FNBP1L: variants seen among roughly 807,000 people sequenced by gnomAD.
FNBP1L encodes the protein formin-binding protein 1-like.
Under a neutral mutation model 91.2 loss-of-function variants are expected in FNBP1L, and 36 were observed. The observed-to-expected ratio is 0.39, with a 90% CI of 0.30 to 0.52. The LOEUF (loss-of-function observed/expected upper bound fraction) is 0.52. FNBP1L is among the 20% of genes least tolerant of loss of function. The pLI is 0.66. For missense variants in FNBP1L, 571 were observed against 732.1 expected, an observed-to-expected ratio of 0.78 and a Z score of 2.54; for synonymous variants, 242 against 237.0, an observed-to-expected ratio of 1.02 and a Z score of -0.19.
chr1:93,464,220 C>CAA (rs1421265675), intron 1 of FNBP1L, among the ~76,000 whole-genome samples: 17 of 152,158 alleles, frequency 1.1e-4, no homozygotes, highest in Non-Finnish European at 2.4e-4. Flanking sequence ...CACTTCTGAG[C>CAA]ATATACCCAA....
Position 93,554,447 on chromosome 1 carries a change from G to T in FNBP1L, c.*2031G>T, listed in dbSNP as rs918433629. On this transcript the variant is annotated 3_prime_UTR_variant, in exon 17 of 17. Coordinates refer to ENST00000271234, the MANE Select transcript of FNBP1L (RefSeq NM_001164473.3). The stretch of plus-strand genomic sequence containing the variant: ...GTGGAATAGTGCAACCTGTATATGG[G>T]TTATTATAATAGGAAAGACATTTGT... The T allele has an allele frequency of 9.2e-5, 14 of 152,712 alleles. No homozygotes were observed. Among genetic ancestry groups the T allele is most frequent in the African/African-American group, 2.6e-4 (11 of 41,548 alleles). 9.5% of individuals were successfully genotyped at this position (152,712 alleles called of 1,614,324 possible).
At chr1:93,466,028 T>A (rs1669067205) in intron 1 of FNBP1L, among the ~76,000 whole-genome samples, 1 of 152,264 alleles carries the variant, frequency 6.6e-6, no homozygotes, top group Admixed American at 6.5e-5. Flanking sequence ...GTTCATATCC[T>A]TTGCCCACTT....
chr1:93,542,956 A>G (rs1191768403), intron 11 of FNBP1L, among the ~76,000 whole-genome samples: 2 of 150,856 alleles, frequency 1.3e-5, no homozygotes, highest in African/African-American at 4.9e-5. Context: ...TGGCTAATTT[A>G]TTGTATTTTT....
intron 1 of FNBP1L, among the ~76,000 whole-genome samples, chr1:93,475,615 T>C (rs1032247223): frequency 6.6e-6 from 1 of 152,224 alleles, no homozygotes; most frequent in Non-Finnish European, 1.5e-5. Context: ...AATAAAGAGA[T>C]ACTCTGAGCC....
chr1:93,528,512 A>G (rs753260385), intron 5 of FNBP1L, among the ~76,000 whole-genome samples: 9 of 152,184 alleles, frequency 5.9e-5, no homozygotes, highest in Non-Finnish European at 1.2e-4. Context: ...TTAGCCATGG[A>G]GATTCAGTTA....
rs1315462491 is a variant in FNBP1L at position 93,549,264 on chromosome 1, T to G, written c.1503-14T>G. On this transcript the variant is annotated splice_polypyrimidine_tract_variant and intron_variant, in intron 14 of 16. Transcript: ENST00000271234. Reference sequence around the variant, plus strand: ...TTTATGATACTTGATCAGAGATAATTTTTTGTTTTATAGTCCTGAGGGAAG... The same window carrying G: ...TTTATGATACTTGATCAGAGATAATGTTTTGTTTTATAGTCCTGAGGGAAG... The G allele has an allele frequency of 6.3e-7, 1 of 1,592,112 alleles. No homozygotes were observed. Among genetic ancestry groups the G allele is most frequent in the South Asian group, 1.2e-5 (1 of 86,546 alleles).
chr1:93,470,485 T>C lies in FNBP1L; in HGVS notation c.24+22180T>C, dbSNP rs1669246779. ...CTAATTGGCTCTCCAGTTGGCTTGC[T>C]TCTCTTGTCTCTGACTATGGATGGG... is the stretch of plus-strand genomic sequence containing the variant. On this transcript the variant is annotated intron_variant, in intron 1 of 16. Coordinates refer to ENST00000271234, the MANE Select transcript of FNBP1L (RefSeq NM_001164473.3). Among the ~76,000 whole-genome samples, 3 of 152,364 alleles carry C rather than the reference T, an allele frequency of 2.0e-5. 1 individual carries two copies. The South Asian group carries it at 6.2e-4, about 32-fold the overall frequency.
At chr1:93,510,314 A>G (rs944532661) in intron 2 of FNBP1L, among the ~76,000 whole-genome samples, 2 of 152,202 alleles carry the variant, frequency 1.3e-5, no homozygotes, top group African/African-American at 2.4e-5. Context: ...ACCCCCAAGC[A>G]GCCTAACTGG....
chr1:93,508,219 A>G (rs1310133970), intron 2 of FNBP1L, among the ~76,000 whole-genome samples: 1 of 151,846 alleles, frequency 6.6e-6, no homozygotes, highest in Non-Finnish European at 1.5e-5. Flanking sequence ...GCACGGTGAC[A>G]TGTGCCTGCA....
intron 2 of FNBP1L, among the ~76,000 whole-genome samples, chr1:93,518,350 C>G (rs1011460587): frequency 6.6e-5 from 10 of 152,132 alleles, no homozygotes; most frequent in African/African-American, 2.2e-4. Flanking sequence ...CTTCCAGCAG[C>G]CTGTCCTCCC....
chr1:93,501,965 G>A (rs1375300343), intron 2 of FNBP1L, among the ~76,000 whole-genome samples: 1 of 152,022 alleles, frequency 6.6e-6, no homozygotes, highest in Non-Finnish European at 1.5e-5. Context: ...AAAGTTTCTG[G>A]TTGTAAAAGT....
At chr1:93,525,600 A>G (rs1671467067) in intron 5 of FNBP1L, among the ~76,000 whole-genome samples, 2 of 152,164 alleles carry the variant, frequency 1.3e-5, no homozygotes, top group African/African-American at 4.8e-5. Flanking sequence ...TTCATGAGTC[A>G]TTGGTTCCTT....
intron 5 of FNBP1L, among the ~76,000 whole-genome samples, chr1:93,525,018 C>T (rs908267924): frequency 2.0e-5 from 3 of 150,882 alleles, no homozygotes; most frequent in Admixed American, 1.3e-4. Context: ...TAGAACACTG[C>T]AGTTGCCTTT....
intron 1 of FNBP1L, among the ~76,000 whole-genome samples, chr1:93,476,392 A>T (rs911533474): frequency 1.3e-5 from 2 of 152,196 alleles, no homozygotes; most frequent in African/African-American, 4.8e-5. Context: ...ATGAGATAAT[A>T]TATAAAAGCA....
Position 93,552,832 on chromosome 1 carries a change from C to T in FNBP1L, c.*416C>T. 1 of 163,668 alleles carries T rather than the reference C, an allele frequency of 6.1e-6. No individual in the cohort carries two copies. The highest frequency in any genetic ancestry group is 1.3e-5 in the Non-Finnish European group (1 of 75,918). 10.1% of individuals were successfully genotyped at this position (163,668 alleles called of 1,614,324 possible). Reference sequence around the variant, plus strand: ...GATCCTTGCCATCTGTCAGTGTCTGCCTGCGCCACCTCCGTGCTTGCTTAA... The same window carrying T: ...GATCCTTGCCATCTGTCAGTGTCTGTCTGCGCCACCTCCGTGCTTGCTTAA... On this transcript the variant is annotated 3_prime_UTR_variant, in exon 17 of 17. Transcript: ENST00000271234.
intron 1 of FNBP1L, among the ~76,000 whole-genome samples, chr1:93,466,983 A>G (rs1178402143): frequency 6.6e-6 from 1 of 152,156 alleles, no homozygotes; most frequent in African/African-American, 2.4e-5. Context: ...CAGCCTCCAG[A>G]GTAGCTGGAA....
At chr1:93,493,999 T>TA (rs1670182509) in intron 1 of FNBP1L, among the ~76,000 whole-genome samples, 1 of 152,224 alleles carries the variant, frequency 6.6e-6, no homozygotes, top group East Asian at 1.9e-4. Context: ...ATTTTGTCAC[T>TA]ATCTGTCTGG....
chr1:93,551,178 G>A, intron 16 of FNBP1L, 73 bp downstream of exon 16: 1 of 1,436,672 alleles, frequency 7.0e-7, no homozygotes, highest in Non-Finnish European at 9.2e-7. Flanking sequence ...AACATAAAAT[G>A]AAAACACATT....
At chr1:93,491,698 T>C (rs1670096709) in intron 1 of FNBP1L, among the ~76,000 whole-genome samples, 1 of 152,240 alleles carries the variant, frequency 6.6e-6, no homozygotes, top group African/African-American at 2.4e-5. Flanking sequence ...ATTTTACCTT[T>C]ATGGTGCCTT....
Sources: allele counts gnomAD v4.1 joint callset (sites outside exome capture counted in the v4.1 genomes callset), GRCh38; gene constraint gnomAD v4.1.1; transcripts MANE v1.5; gene names NCBI Gene and HGNC (gene_info 2026-07-23, HGNC 2026-07-21).